The following SCUBE2 variants were observed in gnomAD, a reference collection of about 807,000 sequenced individuals.
The protein encoded by SCUBE2 is signal peptide, CUB and EGF-like domain-containing protein 2.
Under a neutral mutation model 125.9 loss-of-function variants are expected in SCUBE2, and 114 were observed. That is an observed-to-expected ratio of 0.91 (90% CI 0.78 to 1.06). SCUBE2 has a LOEUF of 1.06. SCUBE2 is among the 50% of genes least tolerant of loss of function. SCUBE2 has a pLI of 0.00. For synonymous variants in SCUBE2, 459 were observed against 492.9 expected (o/e 0.93, Z 0.91); for missense variants, 1,255 against 1,301.8 (o/e 0.96, Z 0.55).
chr11:9,032,554 C>A (rs11823669), intron 17 of SCUBE2, among the ~76,000 whole-genome samples: 1 of 152,072 alleles, frequency 6.6e-6, no homozygotes, highest in African/African-American at 2.4e-5. Flanking sequence ...GCCAACATAG[C>A]GAAACCCCAT....
At chr11:9,046,925 TA>T (rs1857838693) in intron 16 of SCUBE2, among the ~76,000 whole-genome samples, 1 of 152,222 alleles carries the variant, frequency 6.6e-6, no homozygotes, top group Non-Finnish European at 1.5e-5. Context: ...ATGGGATTCT[TA>T]CTCCTTAGCT....
intron 3 of SCUBE2, among the ~76,000 whole-genome samples, chr11:9,076,954 A>C (rs1861261667): frequency 6.6e-6 from 1 of 152,212 alleles, no homozygotes; most frequent in Non-Finnish European, 1.5e-5. Context: ...TGTCTCCCTG[A>C]ACACCAACTC....
rs748834541 is a variant in SCUBE2 at position 9,047,390 on chromosome 11, A to C, written c.1968T>G (p.Cys656Trp). ...TTTCTGCATGACCCTGGCCCACTCC[A>C]CAGGACTCTGCCTGGCGTTCAGATG... ...PRTSERQAES[C>W]GVGQGHAENQ... is the part of the protein sequence containing the mutation. Residue 656 changes from cysteine to tryptophan, a missense_variant, in exon 16 of 23, where the codon TGT becomes TGG. Physicochemically the swap from Cys to Trp is radical, Grantham distance 215. This residue lies in a region of SCUBE2 where 515 missense variants were observed against 515.7 expected (regional missense o/e 1.00). Transcript: ENST00000649792. The C allele has an allele frequency of 6.2e-7, 1 of 1,614,150 alleles. No individual in the cohort carries two copies. The highest frequency in any genetic ancestry group is 1.1e-5 in the South Asian group (1 of 91,056).
chr11:9,034,750 G>A (rs781300360), intron 16 of SCUBE2, among the ~76,000 whole-genome samples: 1 of 152,130 alleles, frequency 6.6e-6, no homozygotes, highest in Non-Finnish European at 1.5e-5. Flanking sequence ...GAAGGCCAAG[G>A]TGGGCGGATC....
At chr11:9,063,098 T>C (rs75927393) in intron 7 of SCUBE2, among the ~76,000 whole-genome samples, 2 of 151,366 alleles carry the variant, frequency 1.3e-5, no homozygotes, top group Non-Finnish European at 2.9e-5. Context: ...AAAAAAAAAT[T>C]AGCCAGGCAT....
chr11:9,059,487 C>A (rs1674954033), intron 8 of SCUBE2, 62 bp from the exon 9 acceptor site: 1 of 1,568,878 alleles, frequency 6.4e-7, no homozygotes, highest in African/African-American at 1.3e-5. Flanking sequence ...CCACAACTCC[C>A]TGAAGGGCCA....
intron 14 of SCUBE2, among the ~76,000 whole-genome samples, 200 bp from the exon 15 acceptor site, chr11:9,048,298 A>T (rs1858009424): frequency 6.6e-6 from 1 of 152,220 alleles, no homozygotes; most frequent in Admixed American, 6.5e-5. Flanking sequence ...CCTCCTATAT[A>T]ACTTTACAAT....
chr11:9,055,402 G>A (rs1858977925), intron 10 of SCUBE2, among the ~76,000 whole-genome samples: 1 of 152,336 alleles, frequency 6.6e-6, no homozygotes, highest in South Asian at 2.1e-4. Context: ...TAGCAGGGCT[G>A]TGGAATTGGT....
At chr11:9,090,061 A>G (rs1203886666) in intron 1 of SCUBE2, among the ~76,000 whole-genome samples, 1 of 152,054 alleles carries the variant, frequency 6.6e-6, no homozygotes, top group Non-Finnish European at 1.5e-5. Context: ...TTCAGGACTT[A>G]GCTCAAATCC....
chr11:9,074,036 G>C (rs1335591668), intron 4 of SCUBE2, among the ~76,000 whole-genome samples: 1 of 152,100 alleles, frequency 6.6e-6, no homozygotes, highest in Non-Finnish European at 1.5e-5. Context: ...ATCTAGCTTG[G>C]GGCTGAAAAC....
At chr11:9,048,435 C>G (rs766299911) in intron 14 of SCUBE2, among the ~76,000 whole-genome samples, 9 of 152,200 alleles carry the variant, frequency 5.9e-5, no homozygotes, top group Non-Finnish European at 1.2e-4. Flanking sequence ...CGTGTGCTTA[C>G]ACTCTCACAG....
intron 2 of SCUBE2, among the ~76,000 whole-genome samples, chr11:9,081,541 A>C (rs1301872910): frequency 6.6e-6 from 1 of 152,026 alleles, no homozygotes; most frequent in East Asian, 1.9e-4. Context: ...TTTAAGGCTA[A>C]TATTCTATTA....
intron 15 of SCUBE2, 64 bp from the exon 16 acceptor site, chr11:9,047,626 G>C: frequency 6.7e-7 from 1 of 1,502,150 alleles, no homozygotes. Flanking sequence ...ACAATGGCCA[G>C]ATCAACTGCA....
intron 7 of SCUBE2, among the ~76,000 whole-genome samples, chr11:9,061,597 T>G (rs2135608050): frequency 6.7e-6 from 1 of 150,318 alleles, no homozygotes; most frequent in Non-Finnish European, 1.5e-5. Context: ...GAAGGAACCC[T>G]AAAGGGAACA....
intron 4 of SCUBE2, among the ~76,000 whole-genome samples, chr11:9,071,776 A>G (rs1371758484): frequency 6.6e-6 from 1 of 152,220 alleles, no homozygotes; most frequent in Non-Finnish European, 1.5e-5. Context: ...TCCTGCTGAA[A>G]GCACAGCCTC....
At position 9,059,398 on chromosome 11, in the gene SCUBE2, C is replaced by T; in HGVS notation, c.995G>A (p.Gly332Glu). 1 of 1,614,228 alleles carries T rather than the reference C, an allele frequency of 6.2e-7. No individual in the cohort carries two copies. The highest frequency in any genetic ancestry group is 8.5e-7 in the Non-Finnish European group (1 of 1,180,036). Residue 332 changes from glycine to glutamate, a missense_variant, in exon 9 of 23, where the codon GGA becomes GAA. This residue lies in a region of SCUBE2 where 378 missense variants were observed against 463.1 expected (regional missense o/e 0.82). Coordinates refer to ENST00000649792, the MANE Select transcript of SCUBE2 (RefSeq NM_001367977.2). ...KDIDECQTRN[G>E]GCDHFCKNIV... ...GTTTTTGCAGAAATGATCACAACCT[C>T]CATTGCGGGTCTGGCACTCATCAAT...
intron 9 of SCUBE2, among the ~76,000 whole-genome samples, chr11:9,058,721 G>A (rs189753115): frequency 4.0e-5 from 6 of 151,862 alleles, no homozygotes; most frequent in Non-Finnish European, 7.4e-5. Flanking sequence ...CCAGGAAGGC[G>A]GAGGTTGCAG....
At chr11:9,037,431 C>T (rs1856835342) in intron 16 of SCUBE2, among the ~76,000 whole-genome samples, 1 of 152,232 alleles carries the variant, frequency 6.6e-6, no homozygotes, top group African/African-American at 2.4e-5. Context: ...AAGCCTCCGC[C>T]TCTTTTCAGC....
intron 9 of SCUBE2, among the ~76,000 whole-genome samples, chr11:9,057,920 CT>C (rs1173844479): frequency 2.6e-5 from 4 of 152,170 alleles, no homozygotes; most frequent in African/African-American, 7.2e-5. Flanking sequence ...CTGAGAACTT[CT>C]TCTGCATATC....
Sources: gnomAD v4.1 joint callset for allele counts (sites outside exome capture counted in the v4.1 genomes callset) on GRCh38, gnomAD v4.1.1 for gene constraint, gnomAD v4.1.1 regional missense constraint, MANE v1.5 for transcripts, NCBI Gene and HGNC (gene_info 2026-07-23, HGNC 2026-07-21) for gene names.